Variants in FGGY observed in about 807,000 individuals in gnomAD.
The protein encoded by FGGY is FGGY carbohydrate kinase domain-containing protein.
In FGGY, 72 loss-of-function variants were observed where a neutral mutation model predicts 71.3. The ratio of observed to expected loss-of-function variants is 1.01; its 90% CI spans 0.84 to 1.23. FGGY has a LOEUF of 1.23. Ranked by LOEUF, FGGY falls within the 50% of genes most tolerant of loss-of-function variation. The probability of loss-of-function intolerance (pLI) is 0.00; values close to 1 mark genes in which losing one functional copy is unlikely to be tolerated. For missense variants in FGGY, 668 were observed against 682.3 expected, an observed-to-expected ratio of 0.98 and a Z score of 0.23; for synonymous variants, 251 against 250.3, an observed-to-expected ratio of 1.00 and a Z score of -0.02.
intron 8 of FGGY, among the ~76,000 whole-genome samples, chr1:59,580,955 C>T (rs1200119372): frequency 3.3e-5 from 5 of 152,150 alleles, no homozygotes; most frequent in African/African-American, 1.2e-4. Flanking sequence ...ATGCACCTGA[C>T]AGTTTGTATT....
chr1:59,477,067 G>A (rs2093297676), intron 6 of FGGY, among the ~76,000 whole-genome samples: 1 of 152,228 alleles, frequency 6.6e-6, no homozygotes, highest in Admixed American at 6.5e-5. Flanking sequence ...CTGGATCTCA[G>A]TTGGACATCT....
intron 14 of FGGY, among the ~76,000 whole-genome samples, chr1:59,686,189 G>C (rs2097542641): frequency 6.6e-6 from 1 of 152,132 alleles, no homozygotes; most frequent in Non-Finnish European, 1.5e-5. Flanking sequence ...TACCCAGTTT[G>C]GTAGAGAGAT....
intron 7 of FGGY, among the ~76,000 whole-genome samples, chr1:59,546,532 G>GATT (rs1214052314): frequency 7.7e-4 from 79 of 102,128 alleles, no homozygotes; most frequent in African/African-American, 1.8e-3. Context: ...TGATGATGAT[G>GATT]ATGATTATTA....
chr1:59,417,515 A>G (rs1043797287), intron 5 of FGGY, among the ~76,000 whole-genome samples: 1 of 152,234 alleles, frequency 6.6e-6, no homozygotes, highest in African/African-American at 2.4e-5. Context: ...CCTTTGAGGA[A>G]ATGTCAAACT....
At chr1:59,566,350 C>A (rs1269967711) in intron 8 of FGGY, among the ~76,000 whole-genome samples, 1 of 152,102 alleles carries the variant, frequency 6.6e-6, no homozygotes, top group Non-Finnish European at 1.5e-5. Context: ...AGTTTTTCAT[C>A]CTCTTCTCCT....
chr1:59,331,808 T>C (rs1365594852), intron 2 of FGGY: 2 of 152,226 alleles, frequency 1.3e-5, no homozygotes, highest in African/African-American at 2.4e-5. Context: ...TAAGGACTTA[T>C]GGCTAAGTGA....
intron 6 of FGGY, 25 bp downstream of exon 6, chr1:59,457,101 G>C (rs756966768): frequency 6.7e-7 from 1 of 1,500,040 alleles, no homozygotes; most frequent in South Asian, 1.1e-5. Context: ...CATCTGTAGA[G>C]TGATTATGTG....
chr1:59,338,827 G>C (rs1188064788), intron 2 of FGGY, among the ~76,000 whole-genome samples: 1 of 152,214 alleles, frequency 6.6e-6, no homozygotes, highest in South Asian at 2.1e-4. Context: ...TAAGATACGT[G>C]CATTTTTAAT....
At chr1:59,562,721 A>G (rs1022797184) in intron 8 of FGGY, among the ~76,000 whole-genome samples, 2 of 152,230 alleles carry the variant, frequency 1.3e-5, no homozygotes, top group Non-Finnish European at 2.9e-5. Context: ...CAAAAAGCAG[A>G]TCAGTAGTTG....
At chr1:59,616,485 G>A (rs961817175) in intron 9 of FGGY, among the ~76,000 whole-genome samples, 1 of 152,144 alleles carries the variant, frequency 6.6e-6, no homozygotes, top group Non-Finnish European at 1.5e-5. Flanking sequence ...CTGCTGTGGG[G>A]TGAGGGGAGT....
At position 59,699,403 on chromosome 1, in the gene FGGY, G is replaced by C. The variant is rs115482150; in HGVS notation, c.1512+25270G>C. Reference sequence around the variant, plus strand: ...TGTACTTTTTCTTTTTGACGGTTCAGGCTTCTGTTAGTTTTGCAATAGTGA... The same window carrying C: ...TGTACTTTTTCTTTTTGACGGTTCACGCTTCTGTTAGTTTTGCAATAGTGA... On this transcript the variant is annotated intron_variant, in intron 14 of 15. Coordinates refer to ENST00000303721, the MANE Select transcript of FGGY (RefSeq NM_018291.5). 1.4e-3 allele frequency: 1,388 copies of C among 985,314 alleles called. 15 individuals carry two copies. The African/African-American group carries it at 0.022, about 16-fold the overall frequency. 61.0% of individuals were successfully genotyped at this position (985,314 alleles called of 1,614,324 possible). A position where few individuals can be genotyped will look rare whatever the true frequency, so the allele number is the denominator to read the frequency against.
intron 8 of FGGY, among the ~76,000 whole-genome samples, chr1:59,597,043 G>A (rs2096531754): frequency 6.6e-6 from 1 of 152,134 alleles, no homozygotes; most frequent in South Asian, 2.1e-4. Flanking sequence ...AAGCAGGGGA[G>A]CTACCCAGGT....
intron 10 of FGGY, among the ~76,000 whole-genome samples, chr1:59,634,982 A>G (rs1255953647): frequency 2.6e-5 from 4 of 152,206 alleles, no homozygotes; most frequent in Non-Finnish European, 5.9e-5. Flanking sequence ...TTGAGACAGG[A>G]TATATCAACC....
intron 2 of FGGY, among the ~76,000 whole-genome samples, chr1:59,330,524 G>A (rs1255883464): frequency 6.7e-6 from 1 of 150,244 alleles, no homozygotes; most frequent in Non-Finnish European, 1.5e-5. Flanking sequence ...AGCCGAGATC[G>A]CAGCACTGCC....
At chr1:59,532,748 G>A (rs781362053) in intron 7 of FGGY, among the ~76,000 whole-genome samples, 1 of 151,912 alleles carries the variant, frequency 6.6e-6, no homozygotes, top group Admixed American at 6.6e-5. Flanking sequence ...TTCTTACCAC[G>A]TTTATTCCAC....
At chr1:59,650,188 C>T (rs2097143104) in intron 11 of FGGY, among the ~76,000 whole-genome samples, 1 of 147,720 alleles carries the variant, frequency 6.8e-6, no homozygotes, top group Non-Finnish European at 1.5e-5. Flanking sequence ...CGATGTTCAT[C>T]AGGGATATTG....
At chr1:59,637,725 A>G (rs144034457) in intron 10 of FGGY, among the ~76,000 whole-genome samples, 182 of 152,350 alleles carry the variant, frequency 1.2e-3, no homozygotes, top group African/African-American at 4.2e-3. Flanking sequence ...GCAAAATCCT[A>G]TCCTGAGTCT....
At position 59,465,616 on chromosome 1, in the gene FGGY, T is replaced by G. The variant is rs2092571836; in HGVS notation, c.670+8540T>G. On this transcript the variant is annotated intron_variant, in intron 6 of 15. Coordinates refer to ENST00000303721, the MANE Select transcript of FGGY (RefSeq NM_018291.5). The stretch of plus-strand genomic sequence containing the variant: ...TGTATATTTAGAAAACTCCATTGTC[T>G]CAGACCAAAATCTCCTCAGCTAATA... Among the ~76,000 whole-genome samples, 4 of 152,350 alleles carry G rather than the reference T, an allele frequency of 2.6e-5. No homozygotes were observed. In the South Asian group the frequency reaches 8.3e-4, roughly 32 times the overall value.
rs188978498 is a variant in FGGY at position 59,387,675 on chromosome 1, T to G, written c.554+8838T>G. 3.3e-5 allele frequency among the ~76,000 whole-genome samples: 5 copies of G among 152,294 alleles called. No homozygotes were observed. The East Asian group carries it at 9.6e-4, about 29-fold the overall frequency. ...GCATATTGAACACCCTTATACCTTT[T>G]ACCTACGTTAATCAGTTGCTAACAT... On this transcript the variant is annotated intron_variant, in intron 5 of 15. Transcript: ENST00000303721.
Sources: gnomAD v4.1 joint callset for allele counts (sites outside exome capture counted in the v4.1 genomes callset) on GRCh38, gnomAD v4.1.1 for gene constraint, MANE v1.5 for transcripts, NCBI Gene and HGNC (gene_info 2026-07-23, HGNC 2026-07-21) for gene names.